PANK2: variants seen among roughly 807,000 people sequenced by gnomAD.
PANK2 encodes the protein pantothenate kinase 2, also known as pantothenate kinase 2, mitochondrial.
A neutral mutation model predicts 43.1 loss-of-function variants in PANK2; 36 were observed. The observed-to-expected ratio is 0.84, with a 90% confidence interval of 0.64 to 1.10. The LOEUF (loss-of-function observed/expected upper bound fraction) is 1.10, where lower values mean the gene tolerates loss of function less well. Among genes scored for constraint, PANK2 ranks in the 50% least tolerant of loss-of-function variants. The pLI, the probability that PANK2 is intolerant of heterozygous loss-of-function variation, is 0.00. For missense variants in PANK2, 576 were observed against 593.3 expected (o/e 0.97, Z 0.30); for synonymous variants, 281 against 238.2 (o/e 1.18, Z -1.66).
intron 1 of PANK2, among the ~76,000 whole-genome samples, chr20:3,899,630 A>C (rs2146836098): frequency 6.6e-6 from 1 of 150,708 alleles, no homozygotes; most frequent in African/African-American, 2.4e-5. Flanking sequence ...TAGATGTGTC[A>C]GTTTCTCTGT....
intron 1 of PANK2, among the ~76,000 whole-genome samples, chr20:3,894,014 C>T (rs563015056): frequency 2.7e-5 from 4 of 149,942 alleles, no homozygotes; most frequent in African/African-American, 9.8e-5. Flanking sequence ...TCACTGCAAC[C>T]TCTGCTTCCT....
At chr20:3,909,652 C>T (rs6139233) in intron 2 of PANK2, among the ~76,000 whole-genome samples, 78,797 of 151,954 alleles carry the variant, frequency 0.52, 20,874 homozygotes, top group East Asian at 0.66. Flanking sequence ...TGCAGTGGTG[C>T]CATCTCAGCT....
At chr20:3,892,321 A>G (rs571423353) in intron 1 of PANK2, among the ~76,000 whole-genome samples, 1 of 144,498 alleles carries the variant, frequency 6.9e-6, no homozygotes, top group Admixed American at 7.3e-5. Context: ...TGCAGCCTGT[A>G]TGATACAGTG....
At chr20:3,914,045 T>C (rs970028729) in intron 4 of PANK2, among the ~76,000 whole-genome samples, 3 of 152,160 alleles carry the variant, frequency 2.0e-5, no homozygotes, top group Admixed American at 1.3e-4. Context: ...CGCCTTGGCC[T>C]CCCAAAGTGC....
chr20:3,889,935 A>G (rs1254946643), intron 1 of PANK2: 11 of 1,530,160 alleles, frequency 7.2e-6, no homozygotes, highest in Middle Eastern at 3.3e-4. Flanking sequence ...ACCCATTGGT[A>G]TGCACTTCCC....
At chr20:3,917,515 A>G (rs1315599005) in intron 5 of PANK2, 1 of 534,812 alleles carries the variant, frequency 1.9e-6, no homozygotes. Flanking sequence ...GCTTCTTTAC[A>G]GTGCTGCCTT....
rs1414534570 is a variant in PANK2, at chr20:3,926,110, AGTG to A, written c.*2820_*2822del. On this transcript the variant is annotated 3_prime_UTR_variant, in exon 7 of 7. Transcript: ENST00000610179. ...AGATGCTTAGAGGGCTGTGTTGGGAAGTGGTGACTGGATACAGGGGAGGGAGGA... is the reference window on the plus strand; with the variant it reads ...AGATGCTTAGAGGGCTGTGTTGGGAAGTGACTGGATACAGGGGAGGGAGGA... The A allele has an allele frequency of 1.3e-5, 2 of 152,376 alleles. No homozygotes were observed. The highest frequency in any genetic ancestry group is 1.5e-5 in the Non-Finnish European group (1 of 68,180). 9.4% of individuals were successfully genotyped at this position (152,376 alleles called of 1,614,324 possible).
At chr20:3,910,295 G>GTTTT (rs11441747) in intron 2 of PANK2, among the ~76,000 whole-genome samples, 1 of 143,932 alleles carries the variant, frequency 6.9e-6, no homozygotes, top group Admixed American at 6.9e-5. Context: ...AAATGCTGTG[G>GTTTT]TTTTTTTTTT....
chr20:3,916,999 C>G lies in PANK2; in HGVS notation c.1155C>G (p.Ile385Met). 3 of 1,614,010 alleles carry G rather than the reference C, an allele frequency of 1.9e-6. No individual in the cohort carries two copies. The highest frequency in any genetic ancestry group is 2.5e-6 in the Non-Finnish European group (3 of 1,179,958). ...AGGACCTGGCCAGAGCGACTTTGAT[C>G]ACCATCACCAACAACATTGGCTCAA... The change falls in exon 5 of 7, where the codon ATC (isoleucine) becomes ATG (methionine). Residue 385 changes from isoleucine (I) to methionine (M), a missense_variant. Ile to Met is a conservative substitution (Grantham distance 10). This residue lies in a region of PANK2 where 544 missense variants were observed against 528.9 expected (regional missense o/e 1.03). Coordinates refer to ENST00000610179, the MANE Select transcript of PANK2 (RefSeq NM_001386393.1).
intron 1 of PANK2, among the ~76,000 whole-genome samples, chr20:3,899,807 A>G (rs2090271575): frequency 6.9e-6 from 1 of 145,830 alleles, no homozygotes; most frequent in South Asian, 2.1e-4. Flanking sequence ...TCCCGGCTTC[A>G]CACCATTCTC....
intron 2 of PANK2, among the ~76,000 whole-genome samples, chr20:3,910,324 T>C (rs537485186): frequency 1.3e-5 from 2 of 152,124 alleles, no homozygotes; most frequent in Admixed American, 6.5e-5. Flanking sequence ...TTTGTTTTTT[T>C]TTTGGTCACA....
chr20:3,913,792 T>TATATATA (rs1568577269), intron 4 of PANK2, among the ~76,000 whole-genome samples: 23 of 111,892 alleles, frequency 2.1e-4, no homozygotes, highest in African/African-American at 6.6e-4. Flanking sequence ...ATATATATAT[T>TATATATA]TTTTTTTTTT....
Position 3,908,139 on chromosome 20 carries a change from A to G in PANK2, c.512A>G (p.Asn171Ser), listed in dbSNP as rs1254524173. 2.5e-6 allele frequency: 4 copies of G among 1,614,182 alleles called. No individual in the cohort carries two copies. The highest frequency in any genetic ancestry group is 1.7e-5 in the Admixed American group (1 of 60,028). Residue 171 changes from asparagine (N) to serine (S), a missense_variant, in exon 2 of 7, where the codon AAT becomes AGT. Around this residue, in one of 2 missense-constraint regions of PANK2, gnomAD observed 544 missense variants for 528.9 expected, o/e 1.03. Coordinates refer to ENST00000610179, the MANE Select transcript of PANK2 (RefSeq NM_001386393.1). ...CTGACTCTGTGTGGACGCAAAGGCAATCTGCACTTTATACGCTTTCCCACT... is the reference window on the plus strand; with the variant it reads ...CTGACTCTGTGTGGACGCAAAGGCAGTCTGCACTTTATACGCTTTCCCACT...
chr20:3,890,187 G>C (rs2090097614), intron 1 of PANK2, among the ~76,000 whole-genome samples: 1 of 152,122 alleles, frequency 6.6e-6, no homozygotes. Flanking sequence ...CTGGAAAATG[G>C]TGAACTGCCC....
At chr20:3,902,912 A>G (rs913875119) in intron 1 of PANK2, among the ~76,000 whole-genome samples, 5 of 151,572 alleles carry the variant, frequency 3.3e-5, no homozygotes, top group East Asian at 1.9e-4. Flanking sequence ...TGTAATTTAC[A>G]TACAATAAAC....
At chr20:3,894,665 G>C (rs1431033806) in intron 1 of PANK2, among the ~76,000 whole-genome samples, 1 of 148,692 alleles carries the variant, frequency 6.7e-6, no homozygotes, top group African/African-American at 2.5e-5. Context: ...TGCAACCTCT[G>C]TCTCCCAGGT....
At position 3,925,569 on chromosome 20, in the gene PANK2, C is replaced by G. The variant is rs748528403; in HGVS notation, c.*2275C>G. On this transcript the variant is annotated 3_prime_UTR_variant, in exon 7 of 7. Coordinates refer to ENST00000610179, the MANE Select transcript of PANK2 (RefSeq NM_001386393.1). Reference sequence around the variant, plus strand: ...TTCTTGATAGGCCACCAGTGAATCCCATGCCACCGAATCTGGCATTCATTT... The same window carrying G: ...TTCTTGATAGGCCACCAGTGAATCCGATGCCACCGAATCTGGCATTCATTT... The G allele has an allele frequency of 6.6e-6, 1 of 152,220 alleles. No homozygotes were observed. The highest frequency in any genetic ancestry group is 1.5e-5 in the Non-Finnish European group (1 of 68,086). The allele number at this position is 152,220 out of a possible 1,614,324, so 9.4% of individuals were successfully genotyped here. A position where few individuals can be genotyped will look rare whatever the true frequency, so the allele number is the denominator to read the frequency against.
chr20:3,915,155 T>A (rs2090537626), intron 4 of PANK2, among the ~76,000 whole-genome samples: 1 of 152,210 alleles, frequency 6.6e-6, no homozygotes, highest in Non-Finnish European at 1.5e-5. Context: ...TTATCTATCT[T>A]CTGTCACTTG....
chr20:3,901,001 C>T (rs1297235966), intron 1 of PANK2, among the ~76,000 whole-genome samples: 3 of 151,842 alleles, frequency 2.0e-5, no homozygotes, highest in African/African-American at 7.3e-5. Flanking sequence ...AACTCATGAC[C>T]TCAAGTGATC....
Sources: gnomAD v4.1 joint callset for allele counts (sites outside exome capture counted in the v4.1 genomes callset) on GRCh38, gnomAD v4.1.1 for gene constraint, gnomAD v4.1.1 regional missense constraint, MANE v1.5 for transcripts, NCBI Gene and HGNC (gene_info 2026-07-23, HGNC 2026-07-21) for gene names.